Variants in FAM90A1 observed in about 807,000 individuals in gnomAD.
FAM90A1 encodes the protein protein FAM90A1.
A neutral mutation model predicts 14.8 loss-of-function variants in FAM90A1; 10 were observed. The observed-to-expected ratio is 0.67, with a 90% CI of 0.42 to 1.14. The LOEUF is 1.14. Ranked by LOEUF, FAM90A1 falls within the 50% of genes most tolerant of loss-of-function variation. FAM90A1 has a pLI of 0.00. For missense variants in FAM90A1, 567 were observed against 602.8 expected, an observed-to-expected ratio of 0.94 and a Z score of 0.62; for synonymous variants, 236 against 248.4, an observed-to-expected ratio of 0.95 and a Z score of 0.47.
At chr12:8,223,404 G>T (rs1288197430) in intron 6 of FAM90A1, 45 bp downstream of exon 6, 1 of 1,214,068 alleles carries the variant, frequency 8.2e-7, no homozygotes, top group Non-Finnish European at 1.2e-6. Flanking sequence ...ATCAACCAGG[G>T]TGACCTAGAG....
chr12:8,223,608 C>T lies in FAM90A1; in HGVS notation c.324-51G>A, dbSNP rs189041853. 4.5e-4 allele frequency: 504 copies of T among 1,116,294 alleles called. 18 individuals carry two copies. The Admixed American group carries it at 8.4e-3, about 19-fold the overall frequency. The allele number at this position is 1,116,294 out of a possible 1,614,324, so 69.1% of individuals were successfully genotyped here. On this transcript the variant is annotated intron_variant, in intron 5 of 6. Transcript: ENST00000538603. ...GTCCTCCCTGGTTTTCCCCAGGAGACGGGGAGAACCCTGTCTGGGGCCCAG... is the reference window on the plus strand; with the variant it reads ...GTCCTCCCTGGTTTTCCCCAGGAGATGGGGAGAACCCTGTCTGGGGCCCAG...
At chr12:8,227,217 A>C (rs2970175) in intron 1 of FAM90A1, among the ~76,000 whole-genome samples, 33 of 152,102 alleles carry the variant, frequency 2.2e-4, no homozygotes. Flanking sequence ...GGGGAAAAGC[A>C]GAAGCGGTGT....
chr12:8,225,511 C>T (rs1037311401), intron 3 of FAM90A1, among the ~76,000 whole-genome samples: 33 of 152,310 alleles, frequency 2.2e-4, no homozygotes, highest in Non-Finnish European at 3.8e-4. Flanking sequence ...TTCATCTAAA[C>T]GAACGGTGAA....
chr12:8,224,198 A>G lies in FAM90A1; in HGVS notation c.141T>C (p.Cys47=), dbSNP rs1359142051. The change falls in exon 5 of 7, where the codon TGT becomes TGC. Residue 47 remains cysteine, a synonymous_variant. Transcript: ENST00000538603. The stretch of plus-strand genomic sequence containing the variant: ...TTCTGGCCGTGTGGCCAAAGGCCTC[A>G]CAGTTTTTGCACTTGAGCTGTGGGT... ...EEDPRLKCKN[C]EAFGHTARST... 3.1e-6 allele frequency: 5 copies of G among 1,611,984 alleles called. No homozygotes were observed. The highest frequency in any genetic ancestry group is 2.2e-5 in the East Asian group (1 of 44,886).
intron 2 of FAM90A1, 36 bp from the exon 3 acceptor site, chr12:8,226,028 T>G (rs192579136): frequency 2.0e-5 from 3 of 152,114 alleles, no homozygotes; most frequent in African/African-American, 7.2e-5. Context: ...ATCAGTTACA[T>G]GTAGGTTAAT....
In FAM90A1 at chr12:8,227,383, G is replaced by A. The variant is rs1591641205; in HGVS notation, c.-421+97C>T. 3 of 358,576 alleles carry A rather than the reference G, an allele frequency of 8.4e-6. No homozygotes were observed. In the East Asian group the frequency reaches 1.9e-4, roughly 23 times the overall value. The allele number at this position is 358,576 out of a possible 1,614,324, so 22.2% of individuals were successfully genotyped here. On this transcript the variant is annotated intron_variant, in intron 1 of 6. Transcript: ENST00000538603. ...ACCTGCGCCATGTGATCTGGGGGCTGTGTCAGGGCAGCGGGAGTCCTCGTG... is the reference window on the plus strand; with the variant it reads ...ACCTGCGCCATGTGATCTGGGGGCTATGTCAGGGCAGCGGGAGTCCTCGTG...
At position 8,223,643 on chromosome 12, in the gene FAM90A1, G is replaced by A. The variant is rs376858090; in HGVS notation, c.324-86C>T. The A allele has an allele frequency of 2.4e-4, 203 of 849,208 alleles. No homozygotes were observed. In the East Asian group the frequency reaches 3.4e-3, roughly 14 times the overall value. The allele number at this position is 849,208 out of a possible 1,614,324, so 52.6% of individuals were successfully genotyped here. ...CCTGTCTGGGGCCCAGTCCCATTCC[G>A]TGTTTTGTGATACAGAAATGGACAT... On this transcript the variant is annotated intron_variant, in intron 5 of 6. Transcript: ENST00000538603.
At chr12:8,224,454 C>T (rs1393729272) in intron 4 of FAM90A1, among the ~76,000 whole-genome samples, 1 of 109,374 alleles carries the variant, frequency 9.1e-6, no homozygotes, top group South Asian at 2.6e-4. Context: ...ATGGTGAACC[C>T]GATGTCAACA....
At chr12:8,225,216 G>A (rs1206285010) in intron 3 of FAM90A1, among the ~76,000 whole-genome samples, 9 of 152,248 alleles carry the variant, frequency 5.9e-5, no homozygotes, top group Non-Finnish European at 1.0e-4. Flanking sequence ...AAGACACGAT[G>A]ACTCTATCTC....
intron 3 of FAM90A1, among the ~76,000 whole-genome samples, chr12:8,225,399 C>G (rs1431484082): frequency 6.6e-6 from 1 of 152,236 alleles, no homozygotes; most frequent in East Asian, 1.9e-4. Context: ...ATCTTCCTCT[C>G]TACCACACTA....
Position 8,224,860 on chromosome 12 carries a change from C to G in FAM90A1, c.-28G>C, listed in dbSNP as rs774716601. 3.0e-5 allele frequency: 48 copies of G among 1,605,126 alleles called. No individual in the cohort carries two copies. In the South Asian group the frequency reaches 4.8e-4, roughly 16 times the overall value. ...TCGTCTCCTGGGGGTTTTATGACCGCCTTTTTCAGGGGTTGATTGTCGGGT... is the reference window on the plus strand; with the variant it reads ...TCGTCTCCTGGGGGTTTTATGACCGGCTTTTTCAGGGGTTGATTGTCGGGT... On this transcript the variant is annotated 5_prime_UTR_variant, in exon 4 of 7. Coordinates refer to ENST00000538603, the MANE Select transcript of FAM90A1 (RefSeq NM_018088.3).
In FAM90A1 at chr12:8,224,769, T is replaced by C. The variant is rs1303631025; in HGVS notation, c.64A>G (p.Lys22Glu). Residue 22 changes from lysine to glutamate, a missense_variant, in exon 4 of 7, where the codon AAG (lysine) becomes GAG (glutamate). Coordinates refer to ENST00000538603, the MANE Select transcript of FAM90A1 (RefSeq NM_018088.3). ...KRLVRAQTLQ[K>E]QRRAPVGPRA... is the part of the protein sequence containing the mutation. ...GGCCCAACTGGGGCCCTCCGCTGCTTCTGGAGGGTCTGGGCTCTCACCAGT... is the reference window on the plus strand; with the variant it reads ...GGCCCAACTGGGGCCCTCCGCTGCTCCTGGAGGGTCTGGGCTCTCACCAGT... 1 of 1,602,760 alleles carries C rather than the reference T, an allele frequency of 6.2e-7. No individual in the cohort carries two copies. The highest frequency in any genetic ancestry group is 2.2e-5 in the East Asian group (1 of 44,716).
At chr12:8,226,048 C>A (rs1188784559) in intron 2 of FAM90A1, 56 bp from the exon 3 acceptor site, 1 of 152,072 alleles carries the variant, frequency 6.6e-6, no homozygotes, top group African/African-American at 2.4e-5. Flanking sequence ...TTACAATTAA[C>A]TTAATCCAAT....
rs1452832528 is a variant in FAM90A1, at chr12:8,225,849, T to C, written c.-70A>G. The C allele has an allele frequency of 2.6e-5, 4 of 152,064 alleles. No individual in the cohort carries two copies. The highest frequency in any genetic ancestry group is 4.4e-5 in the Non-Finnish European group (3 of 68,008). The allele number at this position is 152,064 out of a possible 1,614,324, so 9.4% of individuals were successfully genotyped here. A position where few individuals can be genotyped will look rare whatever the true frequency, so the allele number is the denominator to read the frequency against. On this transcript the variant is annotated 5_prime_UTR_variant, in exon 3 of 7. Transcript: ENST00000538603. Reference sequence around the variant, plus strand: ...AGTGAAACTAACCTGAAATTACACGTCTACTTTCTTTCCCCGGCTGGCGCT... The same window carrying C: ...AGTGAAACTAACCTGAAATTACACGCCTACTTTCTTTCCCCGGCTGGCGCT...
At position 8,221,342 on chromosome 12, in the gene FAM90A1, GCTGAGGAAAGACC is replaced by G. The variant is rs1197908076; in HGVS notation, c.*467_*479del. On this transcript the variant is annotated 3_prime_UTR_variant, in exon 7 of 7. Transcript: ENST00000538603. ...GGGATTCCAGAGCCCACTTTTCGAG[GCTGAGGAAAGACC>G]CCGAGAGCGCTTTGCACAGCGCGCT... 9.6e-6 allele frequency: 2 copies of G among 209,298 alleles called. No homozygotes were observed. The highest frequency in any genetic ancestry group is 1.9e-5 in the Non-Finnish European group (2 of 104,232). 13.0% of individuals were successfully genotyped at this position (209,298 alleles called of 1,614,324 possible).
Position 8,222,028 on chromosome 12 carries a change from G to T in FAM90A1, c.1189C>A (p.Arg397=), listed in dbSNP as rs759052041. The T allele has an allele frequency of 6.2e-7, 1 of 1,602,176 alleles. No individual in the cohort carries two copies. Among genetic ancestry groups the T allele is most frequent in the Non-Finnish European group, 8.5e-7 (1 of 1,179,926 alleles). ...CTCCAGCGTCCGTTTTCCAGTCTCC[G>T]AAAGAGCACTCTGAGAGGCTGGGCC... ...DGAQPLRVLF[R]RLENGRWSSS... is the part of the protein sequence containing the mutation. The change falls in exon 7 of 7, where the codon CGG becomes AGG. Residue 397 remains arginine, a synonymous_variant. Coordinates refer to ENST00000538603, the MANE Select transcript of FAM90A1 (RefSeq NM_018088.3).
rs9669398 is a variant in FAM90A1, at chr12:8,222,125, C to A, written c.1092G>T (p.Pro364=). The change falls in exon 7 of 7, where the codon CCG becomes CCT. Residue 364 remains proline (P), a synonymous_variant. Coordinates refer to ENST00000538603, the MANE Select transcript of FAM90A1 (RefSeq NM_018088.3). ...AQVLSGDRQP[P]HSRPCLPTAQ... ...CAGTAGGCAGGCAAGGTCTGCTGTGCGGAGGCTGCCGGTCGCCGCTAAGCA... is the reference window on the plus strand; with the variant it reads ...CAGTAGGCAGGCAAGGTCTGCTGTGAGGAGGCTGCCGGTCGCCGCTAAGCA... 8 of 1,611,682 alleles carry A rather than the reference C, an allele frequency of 5.0e-6. No homozygotes were observed. The highest frequency in any genetic ancestry group is 3.3e-5 in the Admixed American group (2 of 60,020).
chr12:8,222,761 G>T lies in FAM90A1; in HGVS notation c.456C>A (p.Val152=), dbSNP rs1473560617. The T allele has an allele frequency of 6.2e-7, 1 of 1,600,634 alleles. No homozygotes were observed. Among genetic ancestry groups the T allele is most frequent in the Non-Finnish European group, 8.5e-7 (1 of 1,179,484 alleles). The change falls in exon 7 of 7, where the codon GTC becomes GTA. Residue 152 remains valine (V), a synonymous_variant. Transcript: ENST00000538603. ...YLRVASGPMP[V]HTTSKRPRVD... is the part of the protein sequence containing the mutation. ...CACGCGGCCTCTTACTGGTTGTGTG[G>T]ACCGGCATTGGCCCGCTTGCAACCT...
rs764389307 is a variant in FAM90A1 at position 8,222,233 on chromosome 12, C to T, written c.984G>A (p.Pro328=). The part of the protein sequence containing the change: ...SAIQGGELGA[P]ENLQPPPAAT... ...CGGCTGGCGGAGGTTGGAGATTCTC[C>T]GGGGCCCCCAGCTCACCTCCCTGGA... Residue 328 remains proline (P), a synonymous_variant, in exon 7 of 7, where the codon CCG becomes CCA. Transcript: ENST00000538603. 6 of 1,611,292 alleles carry T rather than the reference C, an allele frequency of 3.7e-6. No homozygotes were observed. The highest frequency in any genetic ancestry group is 2.7e-5 in the African/African-American group (2 of 74,856).
Sources: gnomAD v4.1 joint callset for allele counts (sites outside exome capture counted in the v4.1 genomes callset) on GRCh38, gnomAD v4.1.1 for gene constraint, MANE v1.5 for transcripts, NCBI Gene and HGNC (gene_info 2026-07-23, HGNC 2026-07-21) for gene names.